The following CATSPERE variants were observed in gnomAD, a reference collection of about 807,000 sequenced individuals.
CATSPERE encodes catsper channel auxiliary subunit epsilon.
CATSPERE carries 93 observed loss-of-function variants against 114.1 expected under a neutral mutation model. That is an observed-to-expected ratio of 0.81 (90% CI 0.69 to 0.97). The LOEUF (loss-of-function observed/expected upper bound fraction) is 0.97, where lower values mean the gene tolerates loss of function less well. Ranked by LOEUF, CATSPERE falls within the 50% of genes least tolerant of loss-of-function variation. The pLI, the probability that CATSPERE is intolerant of heterozygous loss-of-function variation, is 0.00. For synonymous variants in CATSPERE, 341 were observed against 384.1 expected, an observed-to-expected ratio of 0.89 and a Z score of 1.31; for missense variants, 1,058 against 1,131.6, an observed-to-expected ratio of 0.93 and a Z score of 0.93.
rs751149087 is a variant in CATSPERE at position 244,461,536 on chromosome 1, T to G, written c.65+42T>G. 30 of 1,264,610 alleles carry G rather than the reference T, an allele frequency of 2.4e-5. No individual in the cohort carries two copies. In the African/African-American group the frequency reaches 4.6e-4, roughly 20 times the overall value. The allele number at this position is 1,264,610 out of a possible 1,614,324, so 78.3% of individuals were successfully genotyped here. On this transcript the variant is annotated intron_variant, in intron 1 of 21. Transcript: ENST00000366534. ...CGCAGGCGAGCGACTAGGCGGGGATTACCCCCGGCGGGGCAGGCGGGAGGG... is the reference window on the plus strand; with the variant it reads ...CGCAGGCGAGCGACTAGGCGGGGATGACCCCCGGCGGGGCAGGCGGGAGGG...
intron 9 of CATSPERE, among the ~76,000 whole-genome samples, chr1:244,555,201 A>T (rs1661388367): frequency 6.6e-6 from 1 of 152,090 alleles, no homozygotes. Context: ...CCTGGCCAAT[A>T]TGGTGTAACC....
At chr1:244,509,694 G>A (rs1675388383) in intron 7 of CATSPERE, among the ~76,000 whole-genome samples, 1 of 152,124 alleles carries the variant, frequency 6.6e-6, no homozygotes, top group African/African-American at 2.4e-5. Context: ...CAGCAGTAAA[G>A]CCATCTGGTC....
chr1:244,630,526 T>C (rs1299275568), intron 20 of CATSPERE, among the ~76,000 whole-genome samples: 1 of 152,166 alleles, frequency 6.6e-6, no homozygotes, highest in Non-Finnish European at 1.5e-5. Context: ...TAGCAACTAC[T>C]GATTAATCTC....
At chr1:244,560,483 G>T (rs1018108591) in intron 9 of CATSPERE, among the ~76,000 whole-genome samples, 185 bp from the exon 10 acceptor site, 1 of 151,314 alleles carries the variant, frequency 6.6e-6, no homozygotes, top group African/African-American at 2.4e-5. Flanking sequence ...TCAGGTGATG[G>T]GTGCACCAGA....
chr1:244,572,699 A>T lies in CATSPERE; in HGVS notation c.1877A>T (p.Tyr626Phe). 2 of 1,613,860 alleles carry T rather than the reference A, an allele frequency of 1.2e-6. No individual in the cohort carries two copies. Among genetic ancestry groups the T allele is most frequent in the African/African-American group, 2.7e-5 (2 of 75,064 alleles). ...GGTCTGTATGTTATTGTGGAATCTT[A>T]TGGCCCAAAAATATTACAAGAGAGT... ...NTGLYVIVESYGPKILQESHE... is the reference protein window; with the variant it reads ...NTGLYVIVESFGPKILQESHE... The change falls in exon 11 of 22, where the codon TAT (tyrosine) becomes TTT (phenylalanine). Residue 626 changes from tyrosine (Y) to phenylalanine (F), a missense_variant. Physicochemically the swap from Tyr to Phe is conservative, Grantham distance 22. This residue lies in a region of CATSPERE where 787 missense variants were observed against 905.6 expected (regional missense o/e 0.87). Coordinates refer to ENST00000366534, the MANE Select transcript of CATSPERE (RefSeq NM_001130957.2).
intron 7 of CATSPERE, among the ~76,000 whole-genome samples, chr1:244,509,282 A>G (rs907903407): frequency 1.3e-5 from 2 of 151,446 alleles, no homozygotes; most frequent in Admixed American, 6.6e-5. Flanking sequence ...TTTTTTTATC[A>G]TGAAGAGATG....
At chr1:244,578,568 C>A (rs1665642042) in intron 11 of CATSPERE, among the ~76,000 whole-genome samples, 1 of 151,644 alleles carries the variant, frequency 6.6e-6, no homozygotes, top group South Asian at 2.1e-4. Flanking sequence ...TGTATTCTTA[C>A]AATAAAGTAA....
Position 244,635,540 on chromosome 1 carries a change from C to T in CATSPERE, c.2700C>T (p.Pro900=). Reference sequence around the variant, plus strand: ...CAATAGAGACATTTGGACTGATTCCCAGGTAAGGAGCAGGGCCTAACTGGA... The same window carrying T: ...CAATAGAGACATTTGGACTGATTCCTAGGTAAGGAGCAGGGCCTAACTGGA... The part of the protein sequence containing the change: ...MFAIETFGLI[P]SPSVYLVASF... The change falls in exon 21 of 22, where the codon CCC becomes CCT. Residue 900 remains proline (P), a splice_region_variant and synonymous_variant. Coordinates refer to ENST00000366534, the MANE Select transcript of CATSPERE (RefSeq NM_001130957.2). 1 of 1,611,700 alleles carries T rather than the reference C, an allele frequency of 6.2e-7. No homozygotes were observed. The highest frequency in any genetic ancestry group is 1.1e-5 in the South Asian group (1 of 90,922).
At chr1:244,476,541 A>ACACTATCC (rs1177473372) in intron 2 of CATSPERE, among the ~76,000 whole-genome samples, 1 of 152,122 alleles carries the variant, frequency 6.6e-6, no homozygotes, top group Admixed American at 6.5e-5. Context: ...TTCTTCTTAT[A>ACACTATCC]CACTATCCTA....
chr1:244,572,426 A>G lies in CATSPERE; in HGVS notation c.1604A>G (p.Asn535Ser). The change falls in exon 11 of 22, where the codon AAT (asparagine) becomes AGT (serine). Residue 535 changes from asparagine (N) to serine (S), a missense_variant. Transcript: ENST00000366534. Reference sequence around the variant, plus strand: ...GCAGTAAAGCTGCATTTATGGACAAATTACACAACAAGAGCATTCATTTTC... The same window carrying G: ...GCAGTAAAGCTGCATTTATGGACAAGTTACACAACAAGAGCATTCATTTTC... ...RDAVKLHLWT[N>S]YTTRAFIFLS... 1 of 1,607,560 alleles carries G rather than the reference A, an allele frequency of 6.2e-7. No homozygotes were observed. Among genetic ancestry groups the G allele is most frequent in the South Asian group, 1.1e-5 (1 of 90,934 alleles).
intron 15 of CATSPERE, 37 bp from the exon 16 acceptor site, chr1:244,593,358 G>T: frequency 1.2e-6 from 2 of 1,607,346 alleles, no homozygotes; most frequent in South Asian, 1.1e-5. Context: ...AGTTTGAAAA[G>T]AGGAAAGAGA....
intron 10 of CATSPERE, among the ~76,000 whole-genome samples, chr1:244,567,115 G>C (rs1166116050): frequency 6.6e-6 from 1 of 152,100 alleles, no homozygotes; most frequent in African/African-American, 2.4e-5. Context: ...AGCTTAGTTT[G>C]GCTGAATATG....
chr1:244,502,563 T>G (rs529598087), intron 7 of CATSPERE, among the ~76,000 whole-genome samples: 1 of 152,286 alleles, frequency 6.6e-6, no homozygotes, highest in Non-Finnish European at 1.5e-5. Context: ...TGTCTCAGTG[T>G]TTTAAAGACA....
chr1:244,563,114 T>A (rs909654180), intron 10 of CATSPERE, among the ~76,000 whole-genome samples: 1 of 152,244 alleles, frequency 6.6e-6, no homozygotes, highest in Non-Finnish European at 1.5e-5. Context: ...TGTGCCACAT[T>A]TTCTTTATCC....
rs114127242 is a variant in CATSPERE at position 244,623,649 on chromosome 1, G to A, written c.2648+5963G>A. Among the ~76,000 whole-genome samples, 1,198 of 152,050 alleles carry A rather than the reference G, an allele frequency of 7.9e-3. 10 individuals are homozygous for A. Among genetic ancestry groups the A allele is most frequent in the Non-Finnish European group, 0.013 (900 of 67,970 alleles). ...GTTGCTGCCACTACCAAATACAGGCGCACCCCAGAGATACTGTAGGTTTAG... is the reference window on the plus strand; with the variant it reads ...GTTGCTGCCACTACCAAATACAGGCACACCCCAGAGATACTGTAGGTTTAG... On this transcript the variant is annotated intron_variant, in intron 20 of 21. Transcript: ENST00000366534.
At chr1:244,580,697 T>C (rs1666033833) in intron 11 of CATSPERE, among the ~76,000 whole-genome samples, 1 of 152,070 alleles carries the variant, frequency 6.6e-6, no homozygotes, top group African/African-American at 2.4e-5. Context: ...CTGACTTTTG[T>C]GGTAATAATT....
intron 10 of CATSPERE, among the ~76,000 whole-genome samples, chr1:244,567,472 T>G (rs1663770384): frequency 6.6e-6 from 1 of 152,200 alleles, no homozygotes; most frequent in Non-Finnish European, 1.5e-5. Context: ...CCCCATCACT[T>G]TCAGGTACAC....
At chr1:244,455,099 C>G (rs1666007586) in intron 1 of CATSPERE, among the ~76,000 whole-genome samples, 1 of 152,166 alleles carries the variant, frequency 6.6e-6, no homozygotes, top group Admixed American at 6.5e-5. Context: ...TAGGCTCCTT[C>G]TGGGAAGCAC....
intron 8 of CATSPERE, among the ~76,000 whole-genome samples, chr1:244,542,324 C>A (rs1658963774): frequency 6.6e-6 from 1 of 152,042 alleles, no homozygotes; most frequent in Admixed American, 6.6e-5. Flanking sequence ...TGATGCTGTG[C>A]TTTTCTGTTT....
Sources: allele counts gnomAD v4.1 joint callset (sites outside exome capture counted in the v4.1 genomes callset), GRCh38; gene constraint gnomAD v4.1.1; regional missense constraint gnomAD v4.1.1; transcripts MANE v1.5; gene names NCBI Gene and HGNC (gene_info 2026-07-23, HGNC 2026-07-21).